KCNIP1: variants seen among roughly 807,000 people sequenced by gnomAD.
KCNIP1 encodes potassium voltage-gated channel interacting protein 1, also known as A-type potassium channel modulatory protein KCNIP1.
KCNIP1 carries 18 observed loss-of-function variants against 33.0 expected under a neutral mutation model. The ratio of observed to expected loss-of-function variants is 0.55; its 90% CI spans 0.38 to 0.81. The LOEUF is 0.81. Ranked by LOEUF, KCNIP1 falls within the 30% of genes least tolerant of loss-of-function variation. The pLI is 0.00. For missense variants in KCNIP1, 238 were observed against 271.6 expected, an observed-to-expected ratio of 0.88 and a Z score of 0.87; for synonymous variants, 93 against 98.3, an observed-to-expected ratio of 0.95 and a Z score of 0.32.
intron 1 of KCNIP1, among the ~76,000 whole-genome samples, chr5:170,704,935 GT>G (rs1561774792): frequency 6.6e-6 from 1 of 152,102 alleles, no homozygotes; most frequent in Non-Finnish European, 1.5e-5. Context: ...TTTTATGATG[GT>G]TTCATTTTAC....
At chr5:170,660,251 A>G (rs1761422602) in intron 1 of KCNIP1, among the ~76,000 whole-genome samples, 1 of 152,116 alleles carries the variant, frequency 6.6e-6, no homozygotes, top group Non-Finnish European at 1.5e-5. Context: ...AAATTCAATC[A>G]TGTTTCTCAT....
rs541026277 is a variant in KCNIP1 at position 170,736,076 on chromosome 5, C to T, written c.*270C>T. The T allele has an allele frequency of 5.3e-5, 26 of 488,378 alleles. No homozygotes were observed. The South Asian group carries it at 8.1e-4, about 15-fold the overall frequency. The allele number at this position is 488,378 out of a possible 1,614,324, so 30.3% of individuals were successfully genotyped here. A position where few individuals can be genotyped will look rare whatever the true frequency, so the allele number is the denominator to read the frequency against. ...GAAGCATGCTCATCTCCTCACACTGCTGCCCTATGGAAGGTCCCTCTGCTT... is the reference window on the plus strand; with the variant it reads ...GAAGCATGCTCATCTCCTCACACTGTTGCCCTATGGAAGGTCCCTCTGCTT... On this transcript the variant is annotated 3_prime_UTR_variant, in exon 8 of 8. Coordinates refer to ENST00000328939, the MANE Select transcript of KCNIP1 (RefSeq NM_014592.4).
In KCNIP1 at chr5:170,507,660, C is replaced by T. The variant is rs529706770; in HGVS notation, c.61+3027C>T. Among the ~76,000 whole-genome samples the T allele has an allele frequency of 4.5e-4, 68 of 152,286 alleles. No homozygotes were observed. In the East Asian group the frequency reaches 0.013, roughly 29 times the overall value. On this transcript the variant is annotated intron_variant, in intron 1 of 7. Coordinates refer to ENST00000328939, the MANE Select transcript of KCNIP1 (RefSeq NM_014592.4). Reference sequence around the variant, plus strand: ...CCTGCTCAATTAAAATCCTGAATGCCTTGATAATACAATTTAGAAACATAC... The same window carrying T: ...CCTGCTCAATTAAAATCCTGAATGCTTTGATAATACAATTTAGAAACATAC...
chr5:170,638,823 C>A (rs1760404071), intron 1 of KCNIP1, among the ~76,000 whole-genome samples: 1 of 152,216 alleles, frequency 6.6e-6, no homozygotes, highest in African/African-American at 2.4e-5. Context: ...CTCCTCCTCT[C>A]CCGAATCTCC....
At chr5:170,442,002 A>G (rs1175858770) in intron 1 of KCNIP1, among the ~76,000 whole-genome samples, 2 of 150,892 alleles carry the variant, frequency 1.3e-5, no homozygotes, top group Admixed American at 1.3e-4. Context: ...ACTACTGTTT[A>G]CTACAATAAG....
chr5:170,708,661 T>A (rs1444492927), intron 1 of KCNIP1, among the ~76,000 whole-genome samples: 1 of 152,216 alleles, frequency 6.6e-6, no homozygotes, highest in Non-Finnish European at 1.5e-5. Flanking sequence ...CCTAGCACTT[T>A]GGAAGGCCAA....
intron 1 of KCNIP1, chr5:170,712,879 T>A (rs1347710384): frequency 6.2e-7 from 1 of 1,613,808 alleles, no homozygotes; most frequent in African/African-American, 1.3e-5. Flanking sequence ...ATTACCAGTA[T>A]CAGAGAGGTA....
intron 1 of KCNIP1, among the ~76,000 whole-genome samples, chr5:170,507,167 A>G (rs1250072667): frequency 6.6e-6 from 1 of 152,234 alleles, no homozygotes; most frequent in Non-Finnish European, 1.5e-5. Flanking sequence ...CTCAGATCTA[A>G]TTAGAAGCAA....
At chr5:170,590,145 C>G (rs1361356544) in intron 1 of KCNIP1, among the ~76,000 whole-genome samples, 1 of 152,146 alleles carries the variant, frequency 6.6e-6, no homozygotes, top group Non-Finnish European at 1.5e-5. Context: ...TTTGGAAACT[C>G]AGAGCCTGCA....
At chr5:170,561,437 C>T (rs1757031321) in intron 1 of KCNIP1, among the ~76,000 whole-genome samples, 1 of 152,164 alleles carries the variant, frequency 6.6e-6, no homozygotes, top group Admixed American at 6.5e-5. Context: ...GAGGATGGTG[C>T]CAGGCCACCA....
chr5:170,364,001 T>A (rs1763587179), intron 1 of KCNIP1, among the ~76,000 whole-genome samples: 1 of 83,264 alleles, frequency 1.2e-5, no homozygotes, highest in Admixed American at 1.2e-4. Flanking sequence ...GTGTAATATC[T>A]TTTTTTTTTT....
intron 1 of KCNIP1, among the ~76,000 whole-genome samples, chr5:170,393,719 C>T (rs780688065): frequency 6.6e-6 from 1 of 152,136 alleles, no homozygotes; most frequent in African/African-American, 2.4e-5. Flanking sequence ...CAACAAGACA[C>T]GACAAAAAAC....
At chr5:170,595,897 G>A (rs993220427) in intron 1 of KCNIP1, among the ~76,000 whole-genome samples, 8 of 152,196 alleles carry the variant, frequency 5.3e-5, no homozygotes, top group Admixed American at 2.6e-4. Context: ...CATGCAAGAC[G>A]CTCTGCTAAC....
At chr5:170,672,640 T>C (rs1761970215) in intron 1 of KCNIP1, among the ~76,000 whole-genome samples, 1 of 152,292 alleles carries the variant, frequency 6.6e-6, no homozygotes, top group Admixed American at 6.5e-5. Flanking sequence ...CTCACCAGTG[T>C]AATTTAGCCT....
At chr5:170,681,242 C>T (rs35636674) in intron 1 of KCNIP1, 1 of 398,278 alleles carries the variant, frequency 2.5e-6, no homozygotes, top group East Asian at 3.6e-5. Flanking sequence ...GTTGCTGTGA[C>T]AGTCGTTTCG....
intron 1 of KCNIP1, among the ~76,000 whole-genome samples, chr5:170,634,645 C>T (rs577985297): frequency 3.9e-5 from 6 of 152,292 alleles, no homozygotes; most frequent in East Asian, 3.9e-4. Flanking sequence ...CATTGAGTCC[C>T]GAGCCCCAGG....
At chr5:170,373,351 T>C (rs1394543393) in intron 1 of KCNIP1, among the ~76,000 whole-genome samples, 1 of 152,166 alleles carries the variant, frequency 6.6e-6, no homozygotes, top group Admixed American at 6.5e-5. Flanking sequence ...GGGCACGGTG[T>C]GGGAGGGGCC....
intron 1 of KCNIP1, among the ~76,000 whole-genome samples, chr5:170,623,539 G>A (rs1282177786): frequency 1.3e-5 from 2 of 152,072 alleles, no homozygotes; most frequent in East Asian, 3.9e-4. Context: ...AACCACCCCA[G>A]CCTGTGATAC....
intron 1 of KCNIP1, among the ~76,000 whole-genome samples, chr5:170,444,319 G>A (rs913310683): frequency 5.9e-5 from 9 of 151,990 alleles, no homozygotes; most frequent in Admixed American, 3.9e-4. Flanking sequence ...CTCTTCCTCC[G>A]TCTTCAAAGC....
Sources: allele counts gnomAD v4.1 joint callset (sites outside exome capture counted in the v4.1 genomes callset), GRCh38; gene constraint gnomAD v4.1.1; transcripts MANE v1.5; gene names NCBI Gene and HGNC (gene_info 2026-07-23, HGNC 2026-07-21).